Variants in STAC observed in about 807,000 individuals in gnomAD.
STAC encodes SH3 and cysteine-rich domain-containing protein.
STAC carries 43 observed loss-of-function variants against 48.8 expected under a neutral mutation model. The observed-to-expected ratio is 0.88, with a 90% CI of 0.69 to 1.14. The LOEUF (loss-of-function observed/expected upper bound fraction) is 1.14. STAC is among the 50% of genes most tolerant of loss of function. The pLI is 0.00. For missense variants in STAC, 497 were observed against 504.0 expected (o/e 0.99, Z 0.13); for synonymous variants, 193 against 179.5 (o/e 1.07, Z -0.60).
chr3:36,445,342 TA>T (rs1696478912), intron 2 of STAC, among the ~76,000 whole-genome samples: 1 of 150,612 alleles, frequency 6.6e-6, no homozygotes, highest in South Asian at 2.1e-4. Context: ...TTTATCTTTA[TA>T]AAGAAAGAAA....
At chr3:36,513,551 G>A (rs1295184946) in intron 8 of STAC, among the ~76,000 whole-genome samples, 1 of 152,116 alleles carries the variant, frequency 6.6e-6, no homozygotes, top group African/African-American at 2.4e-5. Flanking sequence ...TAAGGTAACA[G>A]TACAGTGTTC....
chr3:36,541,071 G>T (rs984840657), intron 10 of STAC, among the ~76,000 whole-genome samples: 1 of 152,094 alleles, frequency 6.6e-6, no homozygotes, highest in Non-Finnish European at 1.5e-5. Context: ...AGCTATCCTT[G>T]AAATGATAGC....
intron 1 of STAC, among the ~76,000 whole-genome samples, chr3:36,408,928 T>C (rs1700137794): frequency 6.6e-6 from 1 of 152,180 alleles, no homozygotes; most frequent in South Asian, 2.1e-4. Context: ...TGTATCAATT[T>C]TTAATTGTGA....
chr3:36,408,742 T>C (rs1700133870), intron 1 of STAC, among the ~76,000 whole-genome samples: 2 of 152,174 alleles, frequency 1.3e-5, no homozygotes, highest in African/African-American at 2.4e-5. Context: ...GAAGGCAAAG[T>C]AAAAGAATGG....
chr3:36,484,909 G>A, intron 3 of STAC, 68 bp from the exon 4 acceptor site: 1 of 1,300,088 alleles, frequency 7.7e-7, no homozygotes, highest in Non-Finnish European at 1.0e-6. Flanking sequence ...TTTTATTTAG[G>A]GAGCTCTTGT....
chr3:36,501,238 G>T lies in STAC; in HGVS notation c.767-3155G>T, dbSNP rs183107652. ...GGATTTGAGTATTTAGCTTTAAAAT[G>T]AGTGTTAAAAAAATAAGAAAGTCTG... On this transcript the variant is annotated intron_variant, in intron 6 of 10. Transcript: ENST00000273183. Among the ~76,000 whole-genome samples the T allele has an allele frequency of 2.0e-5, 3 of 152,242 alleles. No individual in the cohort carries two copies. In the East Asian group the frequency reaches 5.8e-4, roughly 29 times the overall value.
At chr3:36,498,398 A>T (rs1323656783) in intron 6 of STAC, among the ~76,000 whole-genome samples, 1 of 152,176 alleles carries the variant, frequency 6.6e-6, no homozygotes, top group Non-Finnish European at 1.5e-5. Flanking sequence ...GTGAGATTAA[A>T]AGTGACATGA....
Position 36,519,795 on chromosome 3 carries a change from C to G in STAC, c.921-8901C>G, listed in dbSNP as rs7626719. On this transcript the variant is annotated intron_variant, in intron 8 of 10. Coordinates refer to ENST00000273183, the MANE Select transcript of STAC (RefSeq NM_003149.3). The stretch of plus-strand genomic sequence containing the variant: ...TAATGAGAGAACCAGTAAGATGCTC[C>G]ACCTTGTTCAAATGAGAACTCAATA... Among the ~76,000 whole-genome samples, 623 of 152,200 alleles carry G rather than the reference C, an allele frequency of 4.1e-3. 4 individuals are homozygous for G. The highest frequency in any genetic ancestry group is 0.015 in the African/African-American group (603 of 41,530).
At chr3:36,448,905 C>A (rs893748937) in intron 2 of STAC, among the ~76,000 whole-genome samples, 1 of 19,598 alleles carries the variant, frequency 5.1e-5, no homozygotes, top group Non-Finnish European at 1.3e-4. Flanking sequence ...CAGTGAACCC[C>A]CCCCCCCACT....
chr3:36,415,218 C>A (rs1039386473), intron 1 of STAC, among the ~76,000 whole-genome samples: 1 of 152,248 alleles, frequency 6.6e-6, no homozygotes, highest in East Asian at 1.9e-4. Context: ...ACATTTAAGT[C>A]TGCAGAGGTT....
At chr3:36,381,220 T>C (rs1699503901) in intron 1 of STAC, among the ~76,000 whole-genome samples, 1 of 152,186 alleles carries the variant, frequency 6.6e-6, no homozygotes, top group Non-Finnish European at 1.5e-5. Flanking sequence ...TACCTTCAGA[T>C]ACTACTCACT....
intron 8 of STAC, among the ~76,000 whole-genome samples, chr3:36,515,930 G>T (rs1698660134): frequency 1.4e-5 from 2 of 143,394 alleles, no homozygotes; most frequent in African/African-American, 2.6e-5. Context: ...GAAGGCAGTT[G>T]TTGCGTGACT....
At position 36,507,393 on chromosome 3, in the gene STAC, C is replaced by G. The variant is rs540876725; in HGVS notation, c.920+1559C>G. Among the ~76,000 whole-genome samples the G allele has an allele frequency of 2.6e-5, 4 of 152,232 alleles. No homozygotes were observed. The South Asian group carries it at 8.3e-4, about 32-fold the overall frequency. ...CCTGAAATTTTCTTTTTTGTTGCATCTCTGCCAGGTTTTGGAATCAGGATG... is the reference window on the plus strand; with the variant it reads ...CCTGAAATTTTCTTTTTTGTTGCATGTCTGCCAGGTTTTGGAATCAGGATG... On this transcript the variant is annotated intron_variant, in intron 8 of 10. Transcript: ENST00000273183.
intron 8 of STAC, among the ~76,000 whole-genome samples, chr3:36,508,803 T>C (rs1233522007): frequency 6.6e-6 from 1 of 152,246 alleles, no homozygotes; most frequent in Non-Finnish European, 1.5e-5. Flanking sequence ...TTTGAGCCTA[T>C]GTGTGTCTTT....
chr3:36,460,135 G>T (rs757972028), intron 2 of STAC, among the ~76,000 whole-genome samples: 2 of 151,938 alleles, frequency 1.3e-5, no homozygotes, highest in Non-Finnish European at 2.9e-5. Flanking sequence ...CTGTAATCAG[G>T]ATACCTGTGT....
chr3:36,475,523 G>A (rs1238602651), intron 2 of STAC, among the ~76,000 whole-genome samples: 1 of 152,170 alleles, frequency 6.6e-6, no homozygotes, highest in Non-Finnish European at 1.5e-5. Flanking sequence ...ATGTGTTTAG[G>A]TATATGATGG....
intron 8 of STAC, among the ~76,000 whole-genome samples, chr3:36,518,420 A>G (rs1698725161): frequency 6.6e-6 from 1 of 152,182 alleles, no homozygotes; most frequent in Non-Finnish European, 1.5e-5. Flanking sequence ...TAAGGGTAGA[A>G]AAAAGAAGGA....
In STAC at chr3:36,508,101, G is replaced by T. The variant is rs561737799; in HGVS notation, c.920+2267G>T. Among the ~76,000 whole-genome samples, 58 of 152,266 alleles carry T rather than the reference G, an allele frequency of 3.8e-4. 1 individual carries two copies. The South Asian group carries it at 0.011, about 29-fold the overall frequency. On this transcript the variant is annotated intron_variant, in intron 8 of 10. Coordinates refer to ENST00000273183, the MANE Select transcript of STAC (RefSeq NM_003149.3). Reference sequence around the variant, plus strand: ...CAAACACTGCTTTAACTGTGTCACAGAGATTCTGGTACATTGTGTCTTTGT... The same window carrying T: ...CAAACACTGCTTTAACTGTGTCACATAGATTCTGGTACATTGTGTCTTTGT...
intron 1 of STAC, among the ~76,000 whole-genome samples, chr3:36,407,319 C>T (rs143171428): frequency 6.6e-6 from 1 of 152,316 alleles, no homozygotes; most frequent in African/African-American, 2.4e-5. Context: ...AAACACAAGG[C>T]CTTTCCTGCT....
Sources: allele counts gnomAD v4.1 joint callset (sites outside exome capture counted in the v4.1 genomes callset), GRCh38; gene constraint gnomAD v4.1.1; transcripts MANE v1.5; gene names NCBI Gene and HGNC (gene_info 2026-07-23, HGNC 2026-07-21).